ACOT1: variants seen among roughly 807,000 people sequenced by gnomAD.
ACOT1 encodes the protein acyl-coenzyme A thioesterase 1.
In ACOT1, 8 loss-of-function variants were observed where a neutral mutation model predicts 15.7. That is an observed-to-expected ratio of 0.51 (90% CI 0.30 to 0.92). The LOEUF is 0.92. ACOT1 is among the 40% of genes least tolerant of loss of function. The pLI, the probability that ACOT1 is intolerant of heterozygous loss-of-function variation, is 0.06. For synonymous variants in ACOT1, 67 were observed against 241.2 expected (o/e 0.28, Z 6.69); for missense variants, 151 against 539.4 (o/e 0.28, Z 7.13).
At chr14:73,500,941 T>C in the ACOT1 span, among the ~76,000 whole-genome samples, 3 of 152,224 alleles carry the variant, frequency 2.0e-5, no homozygotes, top group Non-Finnish European at 4.4e-5. Context: ...AATTAGGTAA[T>C]GCAGGGCTTT....
the ACOT1 span, among the ~76,000 whole-genome samples, chr14:73,495,980 A>G: frequency 6.6e-6 from 1 of 152,186 alleles, no homozygotes; most frequent in African/African-American, 2.4e-5. Flanking sequence ...ATACAAAAAA[A>G]TTAGTTGGGT....
chr14:73,531,278 T>C, the ACOT1 span: 1 of 113,354 alleles, frequency 8.8e-6, no homozygotes, highest in African/African-American at 2.9e-5. Context: ...TAGAATTCCA[T>C]GAGTCTACTC....
chr14:73,502,833 C>G, the ACOT1 span: 18 of 1,324,460 alleles, frequency 1.4e-5, no homozygotes, highest in Middle Eastern at 1.8e-4. Flanking sequence ...CCTTGCCCAG[C>G]CTGCCTCCTA....
chr14:73,498,563 GA>G, the ACOT1 span, among the ~76,000 whole-genome samples: 4 of 152,172 alleles, frequency 2.6e-5, no homozygotes, highest in Non-Finnish European at 4.4e-5. Flanking sequence ...CCTATTTTGG[GA>G]TGAAATATAG....
rs746715910 is a variant in ACOT1, at chr14:73,543,166, C to T, written c.777C>T (p.Ala259=). ...CTGTCGTCATCAACGGCTCTGTGGC[C>T]AATGTTGGGGGAACCTTACGCTACA... ...TAAVVINGSV[A]NVGGTLRYKG... is the part of the protein sequence containing the mutation. The change falls in exon 3 of 3, where the codon GCC becomes GCT. Residue 259 remains alanine (A), a synonymous_variant. Coordinates refer to ENST00000311148, the MANE Select transcript of ACOT1 (RefSeq NM_001037161.2). 3.1e-5 allele frequency: 49 copies of T among 1,604,994 alleles called. 2 individuals carry two copies. Among genetic ancestry groups the T allele is most frequent in the Admixed American group, 6.8e-5 (4 of 58,918 alleles).
At chr14:73,536,512 T>G (rs1452880003), upstream of ACOT1, among the ~76,000 whole-genome samples, 1 of 72,436 alleles carries the variant, frequency 1.4e-5, no homozygotes, top group African/African-American at 4.9e-5. Context: ...AGACCCTGTC[T>G]CTTTAAAAAA....
the ACOT1 span, chr14:73,527,342 G>A: frequency 6.6e-6 from 1 of 151,856 alleles, no homozygotes; most frequent in Non-Finnish European, 1.5e-5. Flanking sequence ...GAGTGACAGA[G>A]ATATGTGACC....
the ACOT1 span, chr14:73,491,619 G>T: frequency 6.5e-7 from 1 of 1,547,558 alleles, no homozygotes; most frequent in Non-Finnish European, 8.7e-7. Context: ...AGCCGGCGGC[G>T]AGCGGCCCGC....
chr14:73,540,674 C>T (rs1479779769), intron 1 of ACOT1, among the ~76,000 whole-genome samples: 2 of 119,848 alleles, frequency 1.7e-5, no homozygotes, highest in African/African-American at 2.9e-5. Context: ...GTCTGTGGGA[C>T]GTTGATGGTT....
chr14:73,538,056 G>T lies in ACOT1; in HGVS notation c.457+178G>T, dbSNP rs574171232. 6.8e-4 allele frequency among the ~76,000 whole-genome samples: 77 copies of T among 112,534 alleles called. 29 individuals carry two copies. In the East Asian group the frequency reaches 0.048, roughly 71 times the overall value. 73.8% of individuals were successfully genotyped at this position (112,534 alleles called of 152,430 possible). ...TGCCCAGGTAGGTCTTGAACTCCTG[G>T]ACCCAAGCTATCCTCCCGCCTCTGC... On this transcript the variant is annotated intron_variant, in intron 1 of 2. Transcript: ENST00000311148.
the ACOT1 span, chr14:73,522,632 A>G: frequency 1.2e-6 from 2 of 1,614,236 alleles, no homozygotes; most frequent in Admixed American, 3.3e-5. Flanking sequence ...CCGACCCAGC[A>G]TATCTGGATG....
At chr14:73,511,560 TAAATAAAATA>T in the ACOT1 span, among the ~76,000 whole-genome samples, 29 of 89,044 alleles carry the variant, frequency 3.3e-4, no homozygotes, top group African/African-American at 1.0e-3. Flanking sequence ...AATAAATAAA[TAAATAAAATA>T]AAATAAAAAA....
At chr14:73,509,075 C>G in the ACOT1 span, among the ~76,000 whole-genome samples, 5 of 152,076 alleles carry the variant, frequency 3.3e-5, no homozygotes, top group Admixed American at 6.6e-5. Context: ...TTATGTTGCC[C>G]AGGCTGGTTT....
At chr14:73,510,417 C>T in the ACOT1 span, among the ~76,000 whole-genome samples, 3 of 150,088 alleles carry the variant, frequency 2.0e-5, no homozygotes, top group African/African-American at 7.4e-5. Flanking sequence ...TCCCTGTTGG[C>T]TGGAGTTTTT....
the ACOT1 span, chr14:73,499,224 T>C: frequency 8.4e-7 from 1 of 1,194,656 alleles, no homozygotes; most frequent in Non-Finnish European, 1.3e-6. Flanking sequence ...TGCACCCCTG[T>C]AATCCCAGCA....
chr14:73,509,858 ATATATATATATT>A, the ACOT1 span, among the ~76,000 whole-genome samples: 43 of 59,184 alleles, frequency 7.3e-4, 2 homozygotes, highest in African/African-American at 2.5e-3. Context: ...ATATATATAT[ATATATATATATT>A]TATTTATTTT....
At chr14:73,512,177 A>G in the ACOT1 span, 1 of 1,613,512 alleles carries the variant, frequency 6.2e-7, no homozygotes. Context: ...AAATGAAAAG[A>G]GAACCACCTG....
the ACOT1 span, among the ~76,000 whole-genome samples, chr14:73,519,563 G>A: frequency 6.6e-6 from 1 of 152,024 alleles, no homozygotes; most frequent in Admixed American, 6.6e-5. Context: ...GGGCAACACT[G>A]TAAGACCCCC....
chr14:73,506,324 T>C, the ACOT1 span: 57 of 620,594 alleles, frequency 9.2e-5, no homozygotes, highest in African/African-American at 9.9e-4. Context: ...AAGATAATTC[T>C]GGGCTAGAAG....
Sources: gnomAD v4.1 joint callset for allele counts (sites outside exome capture counted in the v4.1 genomes callset) on GRCh38, gnomAD v4.1.1 for gene constraint, MANE v1.5 for transcripts, NCBI Gene and HGNC (gene_info 2026-07-23, HGNC 2026-07-21) for gene names.